The following ADCY1 variants were observed in gnomAD, a reference collection of about 807,000 sequenced individuals.
ADCY1 encodes the protein adenylate cyclase type 1.
In ADCY1, 28 loss-of-function variants were observed where a neutral mutation model predicts 105.4. That is an observed-to-expected ratio of 0.27 (90% CI 0.20 to 0.36). The LOEUF (loss-of-function observed/expected upper bound fraction) is 0.36, where lower values mean the gene tolerates loss of function less well. Ranked by LOEUF, ADCY1 falls within the 10% of genes least tolerant of loss-of-function variation. ADCY1 has a pLI of 1.00. For missense variants in ADCY1, 977 were observed against 1,434.2 expected, an observed-to-expected ratio of 0.68 and a Z score of 5.15; for synonymous variants, 655 against 623.8, an observed-to-expected ratio of 1.05 and a Z score of -0.75.
intron 8 of ADCY1, among the ~76,000 whole-genome samples, chr7:45,672,177 A>C (rs1784379933): frequency 6.6e-6 from 1 of 152,180 alleles, no homozygotes; most frequent in African/African-American, 2.4e-5. Flanking sequence ...TGGTTTCTCC[A>C]GCACCATTTG....
In ADCY1 at chr7:45,686,073, C is replaced by T. The variant is rs1178679695; in HGVS notation, c.2185C>T (p.His729Tyr). Residue 729 changes from histidine to tyrosine, a missense_variant, in exon 13 of 20, where the codon CAT becomes TAT. Coordinates refer to ENST00000297323, the MANE Select transcript of ADCY1 (RefSeq NM_021116.4). This position sits in a 1 kb window ranked among gnomAD's most constrained non-coding sequence, Gnocchi z 4.3. ...LPTLPCESTH[H>Y]ALLCCLVGTL... ...CACCCTGCCCTGCGAGTCTACACAC[C>T]ATGCCCTGCTCTGCTGCCTGGTGGG... is the stretch of plus-strand genomic sequence containing the variant. 3.1e-6 allele frequency: 5 copies of T among 1,614,010 alleles called. No individual in the cohort carries two copies. The highest frequency in any genetic ancestry group is 3.4e-6 in the Non-Finnish European group (4 of 1,180,032).
intron 3 of ADCY1, among the ~76,000 whole-genome samples, chr7:45,610,958 GTA>G (rs1793562993): frequency 8.7e-6 from 1 of 115,270 alleles, no homozygotes; most frequent in African/African-American, 3.2e-5. Context: ...TAGTGGAGGT[GTA>G]GAGGTGATGG....
rs1785497899 is a variant in ADCY1 at position 45,722,571 on chromosome 7, C to G, written c.*8576C>G. On this transcript the variant is annotated 3_prime_UTR_variant, in exon 20 of 20. Transcript: ENST00000297323. ...CACCCCCCGCTCAAACAACAATGTC[C>G]TTATTATGATGACCATCTCGTAGTG... is the stretch of plus-strand genomic sequence containing the variant. 1 of 152,248 alleles carries G rather than the reference C, an allele frequency of 6.6e-6. No homozygotes were observed. The highest frequency in any genetic ancestry group is 2.4e-5 in the African/African-American group (1 of 41,446). The allele number at this position is 152,248 out of a possible 1,614,324, so 9.4% of individuals were successfully genotyped here.
chr7:45,709,583 C>T (rs1785185570), intron 18 of ADCY1, among the ~76,000 whole-genome samples: 1 of 152,240 alleles, frequency 6.6e-6, no homozygotes, highest in Admixed American at 6.5e-5. Context: ...CACCACTGTG[C>T]CGCCTGCTCT....
At chr7:45,637,353 T>A (rs1355866117) in intron 4 of ADCY1, among the ~76,000 whole-genome samples, 1 of 152,252 alleles carries the variant, frequency 6.6e-6, no homozygotes, top group Non-Finnish European at 1.5e-5. Flanking sequence ...TCTGATCTGT[T>A]TATTCATGTA....
intron 2 of ADCY1, among the ~76,000 whole-genome samples, chr7:45,603,242 C>CTA (rs1377798914): frequency 6.6e-6 from 1 of 152,162 alleles, no homozygotes; most frequent in Non-Finnish European, 1.5e-5. Flanking sequence ...TCCACTCTGG[C>CTA]TATAATAAGT....
At chr7:45,590,105 G>A (rs1044728668) in intron 1 of ADCY1, among the ~76,000 whole-genome samples, 3 of 152,120 alleles carry the variant, frequency 2.0e-5, no homozygotes, top group African/African-American at 4.8e-5. Context: ...GAGGGGGACC[G>A]GCCGCCAATC....
chr7:45,578,926 A>G (rs939281100), intron 1 of ADCY1, among the ~76,000 whole-genome samples: 5 of 152,212 alleles, frequency 3.3e-5, no homozygotes, highest in Admixed American at 6.5e-5. Context: ...TGCAAATTAT[A>G]TGCTTTCAAT....
chr7:45,682,919 AG>A (rs1308845535), intron 11 of ADCY1, among the ~76,000 whole-genome samples: 1 of 152,176 alleles, frequency 6.6e-6, no homozygotes, highest in Non-Finnish European at 1.5e-5. Context: ...AGGGGAGTGT[AG>A]CACCATCAGA....
chr7:45,597,077 G>A (rs1164216019), intron 2 of ADCY1, among the ~76,000 whole-genome samples: 1 of 152,192 alleles, frequency 6.6e-6, no homozygotes, highest in Non-Finnish European at 1.5e-5. Context: ...ACCTCCCAGT[G>A]TGGACAGGTC....
chr7:45,580,401 C>CCTGCCTCT (rs2115709871), intron 1 of ADCY1, among the ~76,000 whole-genome samples: 1 of 152,342 alleles, frequency 6.6e-6, no homozygotes, highest in South Asian at 2.1e-4. Flanking sequence ...CCGGGGCCTC[C>CCTGCCTCT]CTGCCTCTCT....
chr7:45,684,055 G>A (rs994083688), intron 11 of ADCY1, among the ~76,000 whole-genome samples: 5 of 152,258 alleles, frequency 3.3e-5, no homozygotes, highest in African/African-American at 1.2e-4. Flanking sequence ...GGAGGGAAGT[G>A]CAGTGATTCA....
At chr7:45,642,646 A>G (rs1298315657) in intron 4 of ADCY1, among the ~76,000 whole-genome samples, 1 of 152,026 alleles carries the variant, frequency 6.6e-6, no homozygotes, top group Non-Finnish European at 1.5e-5. Context: ...GTGGCTGTGC[A>G]CTTCTCGTTG....
rs537046965 is a variant in ADCY1, at chr7:45,714,265, C to T, written c.*270C>T. 3.6e-5 allele frequency: 18 copies of T among 496,752 alleles called. No individual in the cohort carries two copies. Among genetic ancestry groups the T allele is most frequent in the South Asian group, 2.4e-4 (7 of 29,240 alleles). The allele number at this position is 496,752 out of a possible 1,614,324, so 30.8% of individuals were successfully genotyped here. On this transcript the variant is annotated 3_prime_UTR_variant, in exon 20 of 20. Transcript: ENST00000297323. ...GAGGTGTCCACTCCATCCTTCCCTC[C>T]GTGGCGTAGGGAGCACTGTTTCTTT...
intron 14 of ADCY1, among the ~76,000 whole-genome samples, chr7:45,693,404 G>T (rs1159601858): frequency 2.8e-5 from 4 of 143,076 alleles, no homozygotes; most frequent in Non-Finnish European, 3.0e-5. Context: ...CTTTCAGAAG[G>T]AATGGTACCA....
intron 12 of ADCY1, 54 bp downstream of exon 12, chr7:45,685,122 A>G: frequency 6.6e-7 from 1 of 1,512,964 alleles, no homozygotes. Context: ...CATGGCATGG[A>G]GGACCAGCCC....
chr7:45,653,763 G>A (rs10807927), intron 5 of ADCY1, among the ~76,000 whole-genome samples: 58,169 of 152,028 alleles, frequency 0.38, 11,310 homozygotes, highest in Middle Eastern at 0.44. Context: ...CCTCTGACAC[G>A]CACCACCAGC....
intron 4 of ADCY1, among the ~76,000 whole-genome samples, chr7:45,636,295 A>G (rs1479582594): frequency 6.6e-6 from 1 of 152,212 alleles, no homozygotes; most frequent in Non-Finnish European, 1.5e-5. Flanking sequence ...ATCCTCCTCT[A>G]TATTTTAAGT....
At chr7:45,641,546 C>T (rs1201476980) in intron 4 of ADCY1, among the ~76,000 whole-genome samples, 4 of 152,154 alleles carry the variant, frequency 2.6e-5, no homozygotes, top group South Asian at 2.1e-4. Context: ...GGCACCACCA[C>T]GATACCATTA....
Sources: allele counts gnomAD v4.1 joint callset (sites outside exome capture counted in the v4.1 genomes callset), GRCh38; gene constraint gnomAD v4.1.1; non-coding constraint Gnocchi (gnomAD v3.1); transcripts MANE v1.5; gene names NCBI Gene and HGNC (gene_info 2026-07-23, HGNC 2026-07-21).